Variants in ZNF385D observed in about 807,000 individuals in gnomAD.
ZNF385D encodes the protein zinc finger protein 385D.
A neutral mutation model predicts 35.8 loss-of-function variants in ZNF385D; 15 were observed. The ratio of observed to expected loss-of-function variants is 0.42; its 90% CI spans 0.28 to 0.64. The LOEUF (loss-of-function observed/expected upper bound fraction) is 0.64. Ranked by LOEUF, ZNF385D falls within the 30% of genes least tolerant of loss-of-function variation. ZNF385D has a pLI of 0.23. For missense variants in ZNF385D, 474 were observed against 494.6 expected (o/e 0.96, Z 0.39); for synonymous variants, 212 against 186.8 (o/e 1.13, Z -1.10).
At chr3:21,879,985 T>G (rs899428165) in intron 3 of ZNF385D, among the ~76,000 whole-genome samples, 1 of 151,932 alleles carries the variant, frequency 6.6e-6, no homozygotes, top group Admixed American at 6.6e-5. Context: ...CCACAATTTG[T>G]CTCTCCCTGG....
chr3:21,803,012 A>G (rs1176422446), intron 3 of ZNF385D, among the ~76,000 whole-genome samples: 1 of 152,168 alleles, frequency 6.6e-6, no homozygotes, highest in Non-Finnish European at 1.5e-5. Context: ...CTGATCCTTC[A>G]GGGAATTTTG....
intron 1 of ZNF385D, among the ~76,000 whole-genome samples, chr3:21,726,011 G>C (rs1380699191): frequency 6.6e-6 from 1 of 152,144 alleles, no homozygotes. Context: ...TGGGAGGCAA[G>C]GCTGGTTCAA....
intron 4 of ZNF385D, among the ~76,000 whole-genome samples, chr3:21,504,297 G>T (rs1031652821): frequency 6.6e-6 from 1 of 151,812 alleles, no homozygotes; most frequent in Non-Finnish European, 1.5e-5. Flanking sequence ...TTAGGGGTTA[G>T]ACTTGATGAC....
intron 3 of ZNF385D, among the ~76,000 whole-genome samples, chr3:22,047,891 C>T (rs911351775): frequency 6.6e-6 from 1 of 152,134 alleles, no homozygotes; most frequent in Non-Finnish European, 1.5e-5. Flanking sequence ...CCTTTTAACA[C>T]TTCACATCTT....
chr3:21,614,436 A>G (rs941664837), intron 2 of ZNF385D, among the ~76,000 whole-genome samples: 1 of 152,202 alleles, frequency 6.6e-6, no homozygotes, highest in Admixed American at 6.5e-5. Context: ...CACATTCAAC[A>G]TAGAGATTTT....
intron 2 of ZNF385D, among the ~76,000 whole-genome samples, chr3:22,218,504 TACAC>T (rs1036995115): frequency 2.0e-5 from 3 of 152,108 alleles, no homozygotes; most frequent in Admixed American, 2.0e-4. Context: ...TATATATACA[TACAC>T]ACACAACTGT....
chr3:22,163,810 G>C (rs944940898), intron 3 of ZNF385D, among the ~76,000 whole-genome samples: 5 of 152,178 alleles, frequency 3.3e-5, no homozygotes, highest in Admixed American at 6.5e-5. Context: ...TTGTGAAGAT[G>C]AAAGTTCAAA....
Position 21,853,571 on chromosome 3 carries a change from T to C in ZNF385D, c.326-188543A>G, listed in dbSNP as rs9820746. 4.5e-3 allele frequency among the ~76,000 whole-genome samples: 673 copies of C among 151,062 alleles called. 5 individuals are homozygous for C. Among genetic ancestry groups the C allele is most frequent in the African/African-American group, 0.015 (621 of 41,298 alleles). On this transcript the variant is annotated intron_variant, in intron 3 of 5. Transcript: ENST00000494108. Reference sequence around the variant, plus strand: ...ATATCATAAATGCCTCAGTACGTAATTGTGGGGAAAAAAATGAAGTGGACC... The same window carrying C: ...ATATCATAAATGCCTCAGTACGTAACTGTGGGGAAAAAAATGAAGTGGACC...
At chr3:22,112,830 C>A (rs1702604811) in intron 3 of ZNF385D, among the ~76,000 whole-genome samples, 1 of 149,286 alleles carries the variant, frequency 6.7e-6, no homozygotes, top group South Asian at 2.1e-4. Context: ...GAACTGTCAC[C>A]CTTCCTATGG....
At chr3:21,766,291 G>C (rs2070827481) in intron 3 of ZNF385D, among the ~76,000 whole-genome samples, 1 of 152,028 alleles carries the variant, frequency 6.6e-6, no homozygotes, top group African/African-American at 2.4e-5. Flanking sequence ...TTTAGTGTAT[G>C]TTTTGATGGT....
chr3:22,021,647 G>T (rs990194984), intron 3 of ZNF385D, among the ~76,000 whole-genome samples: 1 of 152,068 alleles, frequency 6.6e-6, no homozygotes, highest in African/African-American at 2.4e-5. Context: ...CTCAATACAA[G>T]TTGAAGCAGA....
At chr3:21,853,325 G>A (rs1029400936) in intron 3 of ZNF385D, among the ~76,000 whole-genome samples, 14 of 151,682 alleles carry the variant, frequency 9.2e-5, no homozygotes, top group Middle Eastern at 3.4e-3. Context: ...TTCCTGTATC[G>A]TGGTTTTAAA....
At chr3:22,368,831 A>G (rs1282234953) in intron 2 of ZNF385D, among the ~76,000 whole-genome samples, 1 of 152,188 alleles carries the variant, frequency 6.6e-6, no homozygotes, top group Non-Finnish European at 1.5e-5. Context: ...TAAACATTCA[A>G]TCCATAGCAG....
At chr3:21,863,120 A>G (rs764424074) in intron 3 of ZNF385D, among the ~76,000 whole-genome samples, 1 of 152,196 alleles carries the variant, frequency 6.6e-6, no homozygotes, top group Non-Finnish European at 1.5e-5. Flanking sequence ...GGCCAGTAGC[A>G]TAAAATCATG....
chr3:22,316,376 C>T (rs913450930), intron 2 of ZNF385D, among the ~76,000 whole-genome samples: 20 of 152,216 alleles, frequency 1.3e-4, no homozygotes, highest in Middle Eastern at 3.4e-3. Context: ...GTGTGGCAGG[C>T]AATTAATAAT....
At chr3:22,111,379 A>G (rs1038447096) in intron 3 of ZNF385D, among the ~76,000 whole-genome samples, 1 of 151,920 alleles carries the variant, frequency 6.6e-6, no homozygotes, top group Non-Finnish European at 1.5e-5. Context: ...ATGCTAGCAG[A>G]GCAGTAATCA....
At chr3:22,286,263 C>G (rs183617392) in intron 2 of ZNF385D, among the ~76,000 whole-genome samples, 1 of 152,054 alleles carries the variant, frequency 6.6e-6, no homozygotes, top group African/African-American at 2.4e-5. Context: ...CTAATATCCG[C>G]GCCCTCATGC....
chr3:21,696,778 C>G (rs1379846579), intron 1 of ZNF385D, among the ~76,000 whole-genome samples: 1 of 152,170 alleles, frequency 6.6e-6, no homozygotes, highest in Non-Finnish European at 1.5e-5. Flanking sequence ...AAAATCTACT[C>G]CTGAGTCAAC....
intron 3 of ZNF385D, among the ~76,000 whole-genome samples, chr3:22,098,249 C>G (rs1040230942): frequency 2.0e-5 from 3 of 152,030 alleles, no homozygotes; most frequent in African/African-American, 7.2e-5. Flanking sequence ...CATAGCAACT[C>G]CCAGAAAACA....
Sources: allele counts gnomAD v4.1 joint callset (sites outside exome capture counted in the v4.1 genomes callset), GRCh38; gene constraint gnomAD v4.1.1; transcripts MANE v1.5; gene names NCBI Gene and HGNC (gene_info 2026-07-23, HGNC 2026-07-21).